The following RTKN variants were observed in gnomAD, a reference collection of about 807,000 sequenced individuals.
RTKN encodes the protein rhotekin.
A neutral mutation model predicts 63.5 loss-of-function variants in RTKN; 49 were observed. The observed-to-expected ratio is 0.77, with a 90% CI of 0.61 to 0.98. RTKN has a LOEUF of 0.98. Among genes scored for constraint, RTKN ranks in the 50% least tolerant of loss-of-function variants. RTKN has a pLI of 0.00. For missense variants in RTKN, 685 were observed against 740.8 expected, an observed-to-expected ratio of 0.92 and a Z score of 0.87; for synonymous variants, 295 against 290.4, an observed-to-expected ratio of 1.02 and a Z score of -0.16.
chr2:74,427,633 G>A, intron 9 of RTKN, 41 bp from the exon 10 acceptor site: 2 of 1,590,850 alleles, frequency 1.3e-6, no homozygotes, highest in Non-Finnish European at 1.7e-6. Flanking sequence ...CACAGAAGTT[G>A]GCAGTGACAA....
At chr2:74,427,307 A>G (rs769405113) in intron 10 of RTKN, 34 bp from the exon 11 acceptor site, 32 of 1,609,526 alleles carry the variant, frequency 2.0e-5, no homozygotes, top group Non-Finnish European at 2.6e-5. Context: ...AGAGAGAGCC[A>G]GGCTGCCCTT....
rs774837707 is a variant in RTKN, at chr2:74,441,807, G to C, written c.10C>G (p.Arg4Gly). 1 of 1,608,524 alleles carries C rather than the reference G, an allele frequency of 6.2e-7. No homozygotes were observed. The highest frequency in any genetic ancestry group is 8.5e-7 in the Non-Finnish European group (1 of 1,177,970). Residue 4 changes from arginine (R) to glycine (G), a missense_variant, in exon 1 of 12, where the codon CGA (arginine) becomes GGA (glycine). Coordinates refer to ENST00000272430, the MANE Select transcript of RTKN (RefSeq NM_001015055.2). MFS[R>G]NHRSRVTVAR... ...ACGGTGACCCGGCTCCGGTGGTTTC[G>C]GGAGAACATGCTGGCGGCCCTGCGA...
intron 6 of RTKN, 106 bp downstream of exon 6, chr2:74,429,722 T>C (rs1473114503): frequency 1.9e-6 from 2 of 1,072,044 alleles, no homozygotes; most frequent in African/African-American, 3.1e-5. Context: ...TGTCTGCACA[T>C]CCTGGCAGCA....
At chr2:74,432,802 T>C in intron 1 of RTKN, 136 bp from the exon 2 acceptor site, 3 of 681,006 alleles carry the variant, frequency 4.4e-6, no homozygotes, top group Non-Finnish European at 7.5e-6. Context: ...AGAGCAGGCA[T>C]TGGGTCTCAA....
intron 1 of RTKN, among the ~76,000 whole-genome samples, chr2:74,434,919 G>C (rs1670971789): frequency 6.6e-6 from 1 of 152,156 alleles, no homozygotes; most frequent in African/African-American, 2.4e-5. Flanking sequence ...CCAACTCATG[G>C]GAATGGACAG....
chr2:74,426,755 T>A, intron 11 of RTKN, 181 bp from the exon 12 acceptor site: 2 of 1,377,006 alleles, frequency 1.5e-6, no homozygotes, highest in Non-Finnish European at 1.9e-6. Flanking sequence ...CAGGCTCTGA[T>A]AAGACTGTGG....
chr2:74,439,635 C>A (rs141405336), intron 1 of RTKN: 30,731 of 1,613,806 alleles, frequency 0.019, 365 homozygotes, highest in Non-Finnish European at 0.022. Context: ...CTGTGCCCCC[C>A]GGTGCCCTTT....
intron 1 of RTKN, among the ~76,000 whole-genome samples, chr2:74,439,088 A>G (rs1671209479): frequency 6.6e-6 from 1 of 152,180 alleles, no homozygotes; most frequent in African/African-American, 2.4e-5. Context: ...CAGCCTGGGC[A>G]ATATAGTGAG....
chr2:74,439,540 C>A (rs770657356), intron 1 of RTKN: 8 of 1,613,962 alleles, frequency 5.0e-6, no homozygotes, highest in Non-Finnish European at 5.9e-6. Context: ...CTCCAAGGGT[C>A]GGGGGATTAC....
Position 74,426,358 on chromosome 2 carries a change from G to T in RTKN, c.1577C>A (p.Pro526Gln), listed in dbSNP as rs377536202. 2.5e-6 allele frequency: 4 copies of T among 1,611,218 alleles called. No individual in the cohort carries two copies. Among genetic ancestry groups the T allele is most frequent in the Non-Finnish European group, 3.4e-6 (4 of 1,178,048 alleles). ...PRTFSLDAVP[P>Q]DHSPRARSVA... is the part of the protein sequence containing the mutation. The stretch of plus-strand genomic sequence containing the variant: ...CGAGCGAGCCCTAGGGGAGTGGTCT[G>T]GGGGGACAGCATCCAGGGAAAAGGT... Residue 526 changes from proline to glutamine, a missense_variant, in exon 12 of 12, where the codon CCA (proline) becomes CAA (glutamine). Pro to Gln is a moderately conservative substitution (Grantham distance 76). Coordinates refer to ENST00000272430, the MANE Select transcript of RTKN (RefSeq NM_001015055.2).
At position 74,436,483 on chromosome 2, in the gene RTKN, G is replaced by T. The variant is rs573706202; in HGVS notation, c.112-3817C>A. ...ACCGAGACTCCATCGCGGCGGGACC[G>T]GACCTCCAGGAGTGCGCCCGCGCCG... On this transcript the variant is annotated intron_variant, in intron 1 of 11. Coordinates refer to ENST00000272430, the MANE Select transcript of RTKN (RefSeq NM_001015055.2). The surrounding 1 kb of genome is among the most constrained non-coding windows in gnomAD (Gnocchi z 4.3). 6.6e-6 allele frequency among the ~76,000 whole-genome samples: 1 copy of T among 151,698 alleles called. No individual in the cohort carries two copies. Among genetic ancestry groups the T allele is most frequent in the African/African-American group, 2.4e-5 (1 of 41,238 alleles).
intron 2 of RTKN, chr2:74,432,128 C>A (rs956821048): frequency 1.2e-5 from 5 of 425,666 alleles, no homozygotes; most frequent in Non-Finnish European, 4.4e-6. Context: ...TGTGAACCAG[C>A]GTTGAGGAAA....
chr2:74,428,685 TGC>T lies in RTKN; in HGVS notation c.901_902del (p.Ala301SerfsTer45). 6.2e-7 allele frequency: 1 copy of T among 1,614,058 alleles called. No individual in the cohort carries two copies. Among genetic ancestry groups the T allele is most frequent in the Non-Finnish European group, 8.5e-7 (1 of 1,180,004 alleles). On this transcript the variant is annotated frameshift_variant, in exon 8 of 12. Coordinates refer to ENST00000272430, the MANE Select transcript of RTKN (RefSeq NM_001015055.2). LOFTEE classifies it high-confidence loss of function. ...PLYGSVCCRL[A>X]AQPLCMTQPT... ...GCTGAGTCATGCAGAGAGGCTGAGC[TGC>T]CAGACGGCAACACACGCTACCATAA... is the stretch of plus-strand genomic sequence containing the variant.
At chr2:74,428,602 C>T in intron 8 of RTKN, 29 bp downstream of exon 8, 3 of 1,587,000 alleles carry the variant, frequency 1.9e-6, no homozygotes, top group Non-Finnish European at 2.6e-6. Context: ...CTTCTCCCTG[C>T]TCCCTTCCAC....
In RTKN at chr2:74,425,871, C is replaced by G; in HGVS notation, c.*372G>C. 1 of 1,105,448 alleles carries G rather than the reference C, an allele frequency of 9.0e-7. No individual in the cohort carries two copies. The highest frequency in any genetic ancestry group is 1.3e-6 in the Non-Finnish European group (1 of 783,934). 68.5% of individuals were successfully genotyped at this position (1,105,448 alleles called of 1,614,324 possible). ...GAGAGAGGCACCCTGTCCTCAGGAGCCAGGTGAAGGCTGCTGTTAAATAAC... is the reference window on the plus strand; with the variant it reads ...GAGAGAGGCACCCTGTCCTCAGGAGGCAGGTGAAGGCTGCTGTTAAATAAC... On this transcript the variant is annotated 3_prime_UTR_variant, in exon 12 of 12. Transcript: ENST00000272430.
At chr2:74,428,024 C>G (rs771987803) in intron 9 of RTKN, 6 of 561,426 alleles carry the variant, frequency 1.1e-5, no homozygotes, top group East Asian at 3.0e-5. Flanking sequence ...AAGCCCTGAA[C>G]CTGCAGGCGA....
At chr2:74,440,369 A>G in intron 1 of RTKN, 2 of 986,410 alleles carry the variant, frequency 2.0e-6, no homozygotes, top group Non-Finnish European at 2.4e-6. Flanking sequence ...TTTCCAGAGA[A>G]GGGAGGAGAG....
In RTKN at chr2:74,432,636, C is replaced by G. The variant is rs1670823796; in HGVS notation, c.142G>C (p.Glu48Gln). The change falls in exon 2 of 12, where the codon GAG becomes CAG. Residue 48 changes from glutamate to glutamine, a missense_variant. By Grantham distance (29) the Glu-to-Gln change is conservative (BLOSUM62 2). Coordinates refer to ENST00000272430, the MANE Select transcript of RTKN (RefSeq NM_001015055.2). Reference protein sequence around the residue: ...DTELQRKLDHEIRMREGACKL... With the variant: ...DTELQRKLDHQIRMREGACKL... ...CAGGCCCCTTCCCTCATCCGGATCT[C>G]ATGGTCTAGCTTCCTCTGCAACTCC... The G allele has an allele frequency of 6.2e-7, 1 of 1,614,094 alleles. No individual in the cohort carries two copies. Among genetic ancestry groups the G allele is most frequent in the African/African-American group, 1.3e-5 (1 of 74,936 alleles).
At chr2:74,431,593 A>G (rs960653972) in intron 2 of RTKN, among the ~76,000 whole-genome samples, 11 of 152,192 alleles carry the variant, frequency 7.2e-5, no homozygotes, top group African/African-American at 2.2e-4. Context: ...GCTGCCTCTC[A>G]GAGGCTGTCC....
Sources: gnomAD v4.1 joint callset for allele counts (sites outside exome capture counted in the v4.1 genomes callset) on GRCh38, gnomAD v4.1.1 for gene constraint, Gnocchi (gnomAD v3.1) non-coding constraint, MANE v1.5 for transcripts, NCBI Gene and HGNC (gene_info 2026-07-23, HGNC 2026-07-21) for gene names.